The following ACOT7 variants were observed in gnomAD, a reference collection of about 807,000 sequenced individuals.
ACOT7 encodes acyl-CoA thioesterase 7.
ACOT7 carries 12 observed loss-of-function variants against 40.2 expected under a neutral mutation model. The observed-to-expected ratio is 0.30, with a 90% confidence interval of 0.19 to 0.48. ACOT7 has a LOEUF of 0.48. ACOT7 is among the 20% of genes least tolerant of loss of function. The pLI, the probability that ACOT7 is intolerant of heterozygous loss-of-function variation, is 0.99. For missense variants in ACOT7, 395 were observed against 530.8 expected (o/e 0.74, Z 2.51); for synonymous variants, 228 against 219.5 (o/e 1.04, Z -0.34).
chr1:6,297,458 C>T (rs1254609102), intron 6 of ACOT7, among the ~76,000 whole-genome samples: 11 of 152,204 alleles, frequency 7.2e-5, no homozygotes, highest in Non-Finnish European at 1.6e-4. Context: ...CCACAGCATC[C>T]AGCAGGTGAA....
intron 3 of ACOT7, among the ~76,000 whole-genome samples, chr1:6,335,219 C>T (rs1005380728): frequency 2.0e-5 from 3 of 149,610 alleles, no homozygotes; most frequent in Admixed American, 6.8e-5. Flanking sequence ...CCCAGCTACT[C>T]GGGAGGCTGA....
chr1:6,369,947 T>C (rs976949679), intron 1 of ACOT7, among the ~76,000 whole-genome samples: 2 of 152,176 alleles, frequency 1.3e-5, no homozygotes, highest in Admixed American at 6.5e-5. Flanking sequence ...AGTTAATAGG[T>C]GCTATTATCC....
Position 6,358,181 on chromosome 1 carries a change from C to T in ACOT7, c.144-8315G>A, listed in dbSNP as rs1473866939. On this transcript the variant is annotated intron_variant, in intron 1 of 8. Transcript: ENST00000361521. The surrounding 1 kb of genome is among the most constrained non-coding windows in gnomAD (Gnocchi z 4.1). ...ACAGAGTCTGGCCCCTGCTTCTCCTCTTTGACTTGCTGCCTAAGGCAGTTC... is the reference window on the plus strand; with the variant it reads ...ACAGAGTCTGGCCCCTGCTTCTCCTTTTTGACTTGCTGCCTAAGGCAGTTC... 2.0e-5 allele frequency among the ~76,000 whole-genome samples: 3 copies of T among 152,110 alleles called. No homozygotes were observed. The highest frequency in any genetic ancestry group is 4.4e-5 in the Non-Finnish European group (3 of 68,024).
At chr1:6,332,665 A>C (rs764752983) in intron 4 of ACOT7, among the ~76,000 whole-genome samples, 2 of 152,020 alleles carry the variant, frequency 1.3e-5, no homozygotes. Context: ...AAATATATAT[A>C]AAATAATTAG....
chr1:6,325,274 T>G (rs1640766835), intron 5 of ACOT7, among the ~76,000 whole-genome samples: 1 of 151,920 alleles, frequency 6.6e-6, no homozygotes, highest in South Asian at 2.1e-4. Flanking sequence ...GGCGGGCGCC[T>G]GTAGTCCCAG....
At chr1:6,353,244 G>C (rs1255676230) in intron 1 of ACOT7, among the ~76,000 whole-genome samples, 3 of 152,206 alleles carry the variant, frequency 2.0e-5, no homozygotes, top group Admixed American at 2.0e-4. Flanking sequence ...ACTTGAGCCT[G>C]GGAAGAGTAC....
In ACOT7 at chr1:6,349,855, G is replaced by A; in HGVS notation, c.155C>T (p.Pro52Leu). 2 of 1,614,128 alleles carry A rather than the reference G, an allele frequency of 1.2e-6. No homozygotes were observed. Among genetic ancestry groups the A allele is most frequent in the Non-Finnish European group, 1.7e-6 (2 of 1,180,032 alleles). ...ATTGCCGGCCACGTTGGCATCATCT[G>A]GCCGCATGATCCTAGGGCAGAGGAG... The part of the protein sequence containing the change: ...SAIQICRIMR[P>L]DDANVAGNVH... Residue 52 changes from proline to leucine, a missense_variant, in exon 2 of 9, where the codon CCA becomes CTA. Pro to Leu is a moderately conservative substitution (Grantham distance 98, BLOSUM62 -3). Coordinates refer to ENST00000361521, the MANE Select transcript of ACOT7 (RefSeq NM_007274.4).
intron 6 of ACOT7, among the ~76,000 whole-genome samples, chr1:6,314,996 A>T (rs3789492): frequency 0.35 from 53,782 of 151,958 alleles, 14,623 homozygotes; most frequent in African/African-American, 0.77. Flanking sequence ...CCAGATCTCT[A>T]CTATTCCCCT....
chr1:6,347,310 C>T (rs1254053349), intron 2 of ACOT7, among the ~76,000 whole-genome samples: 1 of 152,194 alleles, frequency 6.6e-6, no homozygotes, highest in Non-Finnish European at 1.5e-5. Context: ...CCTCCAGCAG[C>T]CCCAGATCCG....
At chr1:6,309,678 CTATGTTCTCG>C (rs1254876204) in intron 6 of ACOT7, among the ~76,000 whole-genome samples, 1 of 152,084 alleles carries the variant, frequency 6.6e-6, no homozygotes, top group Non-Finnish European at 1.5e-5. Flanking sequence ...TTTCCAGGGG[CTATGTTCTCG>C]TTAAGGAGGC....
chr1:6,291,797 G>A (rs1238651247), intron 7 of ACOT7, among the ~76,000 whole-genome samples: 1 of 152,188 alleles, frequency 6.6e-6, no homozygotes, highest in Non-Finnish European at 1.5e-5. Flanking sequence ...CTGGAACTGT[G>A]AGGCCAGCCC....
At position 6,275,064 on chromosome 1, in the gene ACOT7, G is replaced by T. The variant is rs1279384225; in HGVS notation, c.1014+6038C>A. On this transcript the variant is annotated intron_variant, in intron 8 of 8. Coordinates refer to ENST00000361521, the MANE Select transcript of ACOT7 (RefSeq NM_007274.4). This position sits in a 1 kb window ranked among gnomAD's most constrained non-coding sequence, Gnocchi z 5.6. ...GCCTGGTGCCCGCCTCCTGTCTGGGGATGGGAAGCATCTGTGAGCAGACAC... is the reference window on the plus strand; with the variant it reads ...GCCTGGTGCCCGCCTCCTGTCTGGGTATGGGAAGCATCTGTGAGCAGACAC... Among the ~76,000 whole-genome samples, 3 of 152,206 alleles carry T rather than the reference G, an allele frequency of 2.0e-5. No individual in the cohort carries two copies. The highest frequency in any genetic ancestry group is 7.2e-5 in the African/African-American group (3 of 41,458).
chr1:6,287,056 G>A (rs1298067629), intron 7 of ACOT7, among the ~76,000 whole-genome samples: 1 of 152,242 alleles, frequency 6.6e-6, no homozygotes, highest in African/African-American at 2.4e-5. Context: ...AAAGTGCTGG[G>A]ATAACAGGCA....
chr1:6,392,988 C>G (rs1024173263), intron 1 of ACOT7, among the ~76,000 whole-genome samples: 5 of 152,092 alleles, frequency 3.3e-5, no homozygotes, highest in Non-Finnish European at 1.5e-5. Context: ...CTGGCTTTCT[C>G]GCCCAAACGG....
chr1:6,311,018 G>A lies in ACOT7; in HGVS notation c.712+7474C>T, dbSNP rs536560947. ...CTCCCAAAGTGCTGGGATTACAGGT[G>A]TGAGCCACCACGTTCAGCCGGAATC... On this transcript the variant is annotated intron_variant, in intron 6 of 8. Coordinates refer to ENST00000361521, the MANE Select transcript of ACOT7 (RefSeq NM_007274.4). This position sits in a 1 kb window ranked among gnomAD's most constrained non-coding sequence, Gnocchi z 5.2. 5.3e-5 allele frequency among the ~76,000 whole-genome samples: 8 copies of A among 152,308 alleles called. No individual in the cohort carries two copies. The South Asian group carries it at 1.7e-3, about 32-fold the overall frequency.
intron 3 of ACOT7, among the ~76,000 whole-genome samples, chr1:6,336,784 G>A (rs1390564627): frequency 6.6e-6 from 1 of 152,148 alleles, no homozygotes; most frequent in Non-Finnish European, 1.5e-5. Context: ...AATTTCCAGG[G>A]GACACATGGG....
intron 6 of ACOT7, among the ~76,000 whole-genome samples, chr1:6,297,494 G>T (rs866810498): frequency 6.6e-6 from 1 of 152,178 alleles, no homozygotes; most frequent in African/African-American, 2.4e-5. Flanking sequence ...ATTAGTGGGG[G>T]CCCCGAGCAG....
chr1:6,330,564 A>T lies in ACOT7; in HGVS notation c.510+2913T>A, dbSNP rs1356096839. Among the ~76,000 whole-genome samples the T allele has an allele frequency of 6.6e-6, 1 of 152,152 alleles. No homozygotes were observed. Among genetic ancestry groups the T allele is most frequent in the Non-Finnish European group, 1.5e-5 (1 of 68,028 alleles). ...AAGGCCAAGTTGGTATTTATGTCTC[A>T]TCAAACCCACTCTACAAAGGAAATG... On this transcript the variant is annotated intron_variant, in intron 4 of 8. Coordinates refer to ENST00000361521, the MANE Select transcript of ACOT7 (RefSeq NM_007274.4). This position sits in a 1 kb window ranked among gnomAD's most constrained non-coding sequence, Gnocchi z 4.6.
chr1:6,393,417 G>A lies in ACOT7; in HGVS notation c.-18C>T, dbSNP rs1642571689. Reference sequence around the variant, plus strand: ...CGCGCCATAAAGGGGGAGGGCAGAGGTGGAGCGATGGGGCTGGTGAGGCGG... The same window carrying A: ...CGCGCCATAAAGGGGGAGGGCAGAGATGGAGCGATGGGGCTGGTGAGGCGG... On this transcript the variant is annotated 5_prime_UTR_variant, in exon 1 of 9. Transcript: ENST00000361521. The A allele has an allele frequency of 8.2e-7, 1 of 1,224,888 alleles. No homozygotes were observed. Among genetic ancestry groups the A allele is most frequent in the Non-Finnish European group, 1.0e-6 (1 of 979,520 alleles). 75.9% of individuals were successfully genotyped at this position (1,224,888 alleles called of 1,614,324 possible).
Sources: gnomAD v4.1 joint callset for allele counts (sites outside exome capture counted in the v4.1 genomes callset) on GRCh38, gnomAD v4.1.1 for gene constraint, Gnocchi (gnomAD v3.1) non-coding constraint, MANE v1.5 for transcripts, NCBI Gene and HGNC (gene_info 2026-07-23, HGNC 2026-07-21) for gene names.